The following PRKAR1B variants were observed in gnomAD, a reference collection of about 807,000 sequenced individuals.
PRKAR1B encodes protein kinase cAMP-dependent type I regulatory subunit beta.
In PRKAR1B, 22 loss-of-function variants were observed where a neutral mutation model predicts 46.5. That is an observed-to-expected ratio of 0.47 (90% CI 0.34 to 0.68). PRKAR1B has a LOEUF of 0.68. PRKAR1B is among the 30% of genes least tolerant of loss of function. PRKAR1B has a pLI of 0.01. For synonymous variants in PRKAR1B, 259 were observed against 217.7 expected (o/e 1.19, Z -1.67); for missense variants, 445 against 535.6 (o/e 0.83, Z 1.67).
At chr7:580,191 A>G (rs563261384) in intron 8 of PRKAR1B, among the ~76,000 whole-genome samples, 4 of 150,868 alleles carry the variant, frequency 2.7e-5, no homozygotes, top group Non-Finnish European at 4.4e-5. Flanking sequence ...TGATCACGTC[A>G]CTGCACTCCA....
chr7:691,873 A>C, intron 2 of PRKAR1B: 1,074 of 1,122,618 alleles, frequency 9.6e-4, no homozygotes, highest in Non-Finnish European at 1.1e-3. Flanking sequence ...GGGCCATCTC[A>C]CAATCTCTCA....
intron 9 of PRKAR1B, among the ~76,000 whole-genome samples, chr7:572,440 G>A (rs1583224152): frequency 2.0e-5 from 3 of 152,132 alleles, no homozygotes; most frequent in Non-Finnish European, 4.4e-5. Flanking sequence ...CGGGGGTCTC[G>A]GGAGTTGGGG....
At chr7:718,627 G>T (rs954498778) in intron 1 of PRKAR1B, among the ~76,000 whole-genome samples, 2 of 151,958 alleles carry the variant, frequency 1.3e-5, no homozygotes, top group Non-Finnish European at 2.9e-5. Context: ...AAAGTGCTGG[G>T]ATTATAGACG....
intron 1 of PRKAR1B, among the ~76,000 whole-genome samples, chr7:716,357 G>A (rs1325601095): frequency 2.0e-5 from 3 of 151,310 alleles, no homozygotes; most frequent in Non-Finnish European, 4.4e-5. Flanking sequence ...CACCCGGTCC[G>A]AAGCCACATT....
intron 2 of PRKAR1B, among the ~76,000 whole-genome samples, chr7:706,066 C>A (rs1287852476): frequency 3.1e-4 from 47 of 152,138 alleles, no homozygotes; most frequent in Non-Finnish European, 5.9e-5. Context: ...TGGCTCACAT[C>A]TATAACCCCA....
intron 4 of PRKAR1B, among the ~76,000 whole-genome samples, chr7:641,925 A>G (rs1784411333): frequency 6.6e-6 from 1 of 151,872 alleles, no homozygotes; most frequent in African/African-American, 2.4e-5. Flanking sequence ...TTTTTTTGAG[A>G]CAGGGTCTCA....
intron 9 of PRKAR1B, among the ~76,000 whole-genome samples, chr7:576,797 G>A (rs576605782): frequency 9.1e-4 from 138 of 152,196 alleles, no homozygotes; most frequent in Non-Finnish European, 1.7e-3. Context: ...AATGAGGGGC[G>A]GGAGAGGCCC....
chr7:569,276 G>T (rs1000758676), intron 9 of PRKAR1B, among the ~76,000 whole-genome samples: 1 of 152,170 alleles, frequency 6.6e-6, no homozygotes, highest in Admixed American at 6.5e-5. Flanking sequence ...CCTCACACCT[G>T]GCCCTCTATC....
chr7:552,349 A>G (rs1255745892), intron 9 of PRKAR1B, among the ~76,000 whole-genome samples: 3 of 68,560 alleles, frequency 4.4e-5, no homozygotes, highest in Non-Finnish European at 8.0e-5. Context: ...TGCCACCACC[A>G]CGTCACCACC....
At chr7:664,649 C>G (rs1406008411) in intron 4 of PRKAR1B, among the ~76,000 whole-genome samples, 3 of 152,168 alleles carry the variant, frequency 2.0e-5, no homozygotes, top group Non-Finnish European at 4.4e-5. Flanking sequence ...TGGCTCATGC[C>G]TGCAATCCCA....
chr7:605,190 C>A (rs1007441444), intron 6 of PRKAR1B, among the ~76,000 whole-genome samples: 3 of 152,250 alleles, frequency 2.0e-5, no homozygotes, highest in African/African-American at 7.2e-5. Context: ...GCCGCCAGTG[C>A]AGGCGGATTC....
intron 4 of PRKAR1B, among the ~76,000 whole-genome samples, chr7:637,288 G>A (rs1440747588): frequency 6.6e-6 from 1 of 151,872 alleles, no homozygotes; most frequent in Non-Finnish European, 1.5e-5. Flanking sequence ...GCATGGTGGC[G>A]CACCTGTAAT....
At position 574,616 on chromosome 7, in the gene PRKAR1B, G is replaced by A. The variant is rs532647100; in HGVS notation, c.891+4640C>T. 7.9e-5 allele frequency among the ~76,000 whole-genome samples: 12 copies of A among 152,190 alleles called. 1 individual carries two copies. Among genetic ancestry groups the A allele is most frequent in the African/African-American group, 2.4e-4 (10 of 41,530 alleles). On this transcript the variant is annotated intron_variant, in intron 9 of 10. Transcript: ENST00000537384. Reference sequence around the variant, plus strand: ...CTGCTACCACACCCGGCTAATTTTTGTATTTTTAGTAGAGATGGGGTTTCA... The same window carrying A: ...CTGCTACCACACCCGGCTAATTTTTATATTTTTAGTAGAGATGGGGTTTCA...
chr7:615,145 G>T (rs182403248), intron 4 of PRKAR1B, among the ~76,000 whole-genome samples: 78 of 152,052 alleles, frequency 5.1e-4, no homozygotes, highest in Admixed American at 2.7e-3. Context: ...GAGAAAGAAG[G>T]CCAGGTGCAG....
intron 4 of PRKAR1B, among the ~76,000 whole-genome samples, chr7:612,392 G>GAGTA: frequency 6.6e-6 from 1 of 151,396 alleles, no homozygotes; most frequent in Non-Finnish European, 1.5e-5. Flanking sequence ...GTGGGTGGAT[G>GAGTA]GATAGATGGA....
At chr7:708,324 T>G (rs1780438769) in intron 2 of PRKAR1B, among the ~76,000 whole-genome samples, 1 of 152,142 alleles carries the variant, frequency 6.6e-6, no homozygotes. Context: ...AGGAGACATT[T>G]CTGTTTAAGA....
At chr7:605,823 T>A (rs142400374) in intron 6 of PRKAR1B, among the ~76,000 whole-genome samples, 2 of 152,264 alleles carry the variant, frequency 1.3e-5, no homozygotes, top group African/African-American at 2.4e-5. Context: ...CACTTTGAGA[T>A]GTTAACATCC....
intron 1 of PRKAR1B, 98 bp downstream of exon 1, chr7:727,112 C>T: frequency 9.0e-7 from 1 of 1,113,080 alleles, no homozygotes; most frequent in South Asian, 4.1e-5. Flanking sequence ...CCCGTGCCCG[C>T]GCGCCGCCCG....
intron 9 of PRKAR1B, among the ~76,000 whole-genome samples, chr7:561,246 G>C (rs1480693941): frequency 6.7e-6 from 1 of 148,510 alleles, no homozygotes; most frequent in African/African-American, 2.5e-5. Flanking sequence ...ACACACCTAG[G>C]CACAAACACA....
Sources: gnomAD v4.1 joint callset for allele counts (sites outside exome capture counted in the v4.1 genomes callset) on GRCh38, gnomAD v4.1.1 for gene constraint, MANE v1.5 for transcripts, NCBI Gene and HGNC (gene_info 2026-07-23, HGNC 2026-07-21) for gene names.